The following CADM2 variants were observed in gnomAD, a reference collection of about 807,000 sequenced individuals.
CADM2 encodes cell adhesion molecule 2, also known as immunoglobulin superfamily member 4D.
A neutral mutation model predicts 49.8 loss-of-function variants in CADM2; 12 were observed. The ratio of observed to expected loss-of-function variants is 0.24; its 90% confidence interval spans 0.15 to 0.39. The LOEUF is 0.39. Ranked by LOEUF, CADM2 falls within the 10% of genes least tolerant of loss-of-function variation. The probability of loss-of-function intolerance (pLI) is 1.00; values close to 1 mark genes in which losing one functional copy is unlikely to be tolerated. For missense variants in CADM2, 378 were observed against 492.3 expected (o/e 0.77, Z 2.20); for synonymous variants, 214 against 175.4 (o/e 1.22, Z -1.74).
intron 1 of CADM2, among the ~76,000 whole-genome samples, chr3:85,715,271 T>A (rs2067250783): frequency 6.6e-6 from 1 of 152,136 alleles, no homozygotes; most frequent in Admixed American, 6.5e-5. Flanking sequence ...GGCTCAAAAA[T>A]TTTTCAAAGA....
intron 1 of CADM2, among the ~76,000 whole-genome samples, chr3:85,435,218 C>A (rs1053694500): frequency 2.6e-5 from 4 of 151,986 alleles, no homozygotes; most frequent in Non-Finnish European, 5.9e-5. Flanking sequence ...CTCTCCATGT[C>A]CATGTGTTCT....
intron 1 of CADM2, among the ~76,000 whole-genome samples, chr3:85,434,895 A>G (rs2036854738): frequency 6.6e-6 from 1 of 152,166 alleles, no homozygotes; most frequent in African/African-American, 2.4e-5. Flanking sequence ...ATTTTTATCC[A>G]CTTAACAGTA....
intron 1 of CADM2, among the ~76,000 whole-genome samples, chr3:85,091,771 G>A (rs2037605800): frequency 6.6e-6 from 1 of 152,082 alleles, no homozygotes; most frequent in African/African-American, 2.4e-5. Context: ...TCCCCTCTCA[G>A]TGTGTCTCTG....
chr3:85,665,142 A>T (rs2065526749), intron 1 of CADM2, among the ~76,000 whole-genome samples: 1 of 152,008 alleles, frequency 6.6e-6, no homozygotes, highest in South Asian at 2.1e-4. Context: ...TATTAATTAC[A>T]AGCATTTTCA....
chr3:85,472,648 T>C (rs2038816396), intron 1 of CADM2, among the ~76,000 whole-genome samples: 1 of 152,032 alleles, frequency 6.6e-6, no homozygotes, highest in African/African-American at 2.4e-5. Flanking sequence ...AATTTGGAAC[T>C]GGTACCATGT....
In CADM2 at chr3:85,444,368, A is replaced by T. The variant is rs114042832; in HGVS notation, c.62-282154A>T. Among the ~76,000 whole-genome samples the T allele has an allele frequency of 3.8e-3, 580 of 151,898 alleles. 4 individuals are homozygous for T. The highest frequency in any genetic ancestry group is 0.012 in the African/African-American group (516 of 41,444). On this transcript the variant is annotated intron_variant, in intron 1 of 9. Transcript: ENST00000383699. ...AATCTAATAAAAATATTAAAACTGG[A>T]TTTATAAGTTGTCCAAACTCACCTC...
chr3:85,356,981 G>T (rs913996935), intron 1 of CADM2, among the ~76,000 whole-genome samples: 1 of 152,092 alleles, frequency 6.6e-6, no homozygotes, highest in Admixed American at 6.6e-5. Flanking sequence ...ATGAAGATTA[G>T]TTGGTACCAG....
chr3:85,557,430 G>T lies in CADM2; in HGVS notation c.62-169092G>T, dbSNP rs906353986. On this transcript the variant is annotated intron_variant, in intron 1 of 9. Coordinates refer to ENST00000383699, the MANE Select transcript of CADM2 (RefSeq NM_001167675.2). ...AAATAATAGAAAATTTTAGGTTGGG[G>T]TTTTTTCCTGTTGATTTTCTTCCTT... Among the ~76,000 whole-genome samples the T allele has an allele frequency of 9.2e-5, 14 of 151,584 alleles. 1 individual carries two copies. Among genetic ancestry groups the T allele is most frequent in the Admixed American group, 5.9e-4 (9 of 15,200 alleles).
intron 1 of CADM2, among the ~76,000 whole-genome samples, chr3:85,067,169 A>C (rs762784919): frequency 3.3e-5 from 5 of 152,108 alleles, no homozygotes; most frequent in Non-Finnish European, 7.4e-5. Context: ...TTTATCTCTG[A>C]ATGTTCATAA....
intron 9 of CADM2, among the ~76,000 whole-genome samples, chr3:86,066,085 T>C (rs1172046656): frequency 6.6e-6 from 1 of 151,914 alleles, no homozygotes; most frequent in East Asian, 1.9e-4. Context: ...CCATATTTAG[T>C]GAGGAAAATA....
At chr3:85,948,533 A>T (rs1445690275) in intron 7 of CADM2, among the ~76,000 whole-genome samples, 1 of 151,376 alleles carries the variant, frequency 6.6e-6, no homozygotes, top group East Asian at 1.9e-4. Context: ...TATTATTTTA[A>T]TTAATAATGA....
At chr3:85,475,187 G>T (rs17022855) in intron 1 of CADM2, among the ~76,000 whole-genome samples, 6,465 of 151,938 alleles carry the variant, frequency 0.043, 458 homozygotes, top group African/African-American at 0.15. Flanking sequence ...TGACTTTAAT[G>T]TTGGAATAGT....
chr3:85,309,479 C>G (rs1376988584), intron 1 of CADM2, among the ~76,000 whole-genome samples: 1 of 152,064 alleles, frequency 6.6e-6, no homozygotes, highest in African/African-American at 2.4e-5. Context: ...TGAAAAGAAC[C>G]TACTTCATGA....
intron 1 of CADM2, among the ~76,000 whole-genome samples, chr3:85,337,044 A>AATATAT (rs540413952): frequency 2.0e-4 from 27 of 135,482 alleles, no homozygotes; most frequent in African/African-American, 7.1e-4. Context: ...TATATATATA[A>AATATAT]ATATATATAT....
chr3:85,691,632 C>A (rs997298222), intron 1 of CADM2, among the ~76,000 whole-genome samples: 2 of 152,108 alleles, frequency 1.3e-5, no homozygotes, highest in African/African-American at 4.8e-5. Context: ...TGGGTATATA[C>A]CCGAAGGATT....
chr3:85,014,150 T>A (rs1448942264), intron 1 of CADM2, among the ~76,000 whole-genome samples: 1 of 147,116 alleles, frequency 6.8e-6, no homozygotes, highest in Non-Finnish European at 1.5e-5. Context: ...CGCAGTGTAA[T>A]ATTGTATATT....
At chr3:86,033,671 G>GTATA (rs34632130) in intron 8 of CADM2, among the ~76,000 whole-genome samples, 48 of 137,986 alleles carry the variant, frequency 3.5e-4, no homozygotes, top group African/African-American at 1.2e-3. Flanking sequence ...TTATATATAT[G>GTATA]TATATATATA....
chr3:85,148,103 G>A (rs2039807416), intron 1 of CADM2, among the ~76,000 whole-genome samples: 1 of 152,116 alleles, frequency 6.6e-6, no homozygotes, highest in African/African-American at 2.4e-5. Context: ...ATCTAGGCAG[G>A]TCATTTAATG....
chr3:85,663,384 C>G (rs1205518154), intron 1 of CADM2, among the ~76,000 whole-genome samples: 2 of 151,868 alleles, frequency 1.3e-5, no homozygotes, highest in East Asian at 3.9e-4. Context: ...AGTTAGATGA[C>G]CATGTTATTC....
Sources: allele counts gnomAD v4.1 joint callset (sites outside exome capture counted in the v4.1 genomes callset), GRCh38; gene constraint gnomAD v4.1.1; transcripts MANE v1.5; gene names NCBI Gene and HGNC (gene_info 2026-07-23, HGNC 2026-07-21).